Variants in SETBP1 observed in about 807,000 individuals in gnomAD.
SETBP1 encodes the protein SET-binding protein.
In SETBP1, 9 loss-of-function variants were observed where a neutral mutation model predicts 101.0. The observed-to-expected ratio is 0.09, with a 90% confidence interval of 0.05 to 0.16. SETBP1 has a LOEUF of 0.16. Among genes scored for constraint, SETBP1 ranks in the 10% least tolerant of loss-of-function variants. SETBP1 has a pLI of 1.00. For synonymous variants in SETBP1, 818 were observed against 788.5 expected (o/e 1.04, Z -0.63); for missense variants, 1,858 against 2,033.8 (o/e 0.91, Z 1.66).
chr18:44,809,187 T>A (rs1468192481), intron 2 of SETBP1, among the ~76,000 whole-genome samples: 1 of 152,128 alleles, frequency 6.6e-6, no homozygotes, highest in African/African-American at 2.4e-5. Context: ...CACAGCTTGA[T>A]CCTAGAAACA....
intron 2 of SETBP1, among the ~76,000 whole-genome samples, chr18:44,765,052 C>T (rs2070736544): frequency 6.6e-6 from 1 of 152,166 alleles, no homozygotes; most frequent in South Asian, 2.1e-4. Context: ...CCAGGATGAA[C>T]TTTGTTAAAG....
At chr18:44,863,946 C>T (rs1017650604) in intron 2 of SETBP1, among the ~76,000 whole-genome samples, 1 of 152,136 alleles carries the variant, frequency 6.6e-6, no homozygotes, top group Non-Finnish European at 1.5e-5. Context: ...TGACCCACAC[C>T]CTGCCTTTTG....
At chr18:44,706,036 T>C (rs1162155216) in intron 2 of SETBP1, among the ~76,000 whole-genome samples, 1 of 152,136 alleles carries the variant, frequency 6.6e-6, no homozygotes, top group African/African-American at 2.4e-5. Context: ...ACATGAGGTG[T>C]GAAAGCAGCA....
intron 1 of SETBP1, among the ~76,000 whole-genome samples, chr18:44,700,255 T>C (rs538137902): frequency 6.6e-6 from 1 of 152,110 alleles, no homozygotes; most frequent in Admixed American, 6.5e-5. Flanking sequence ...TAACTGATTT[T>C]TCTCTTCTCA....
At chr18:44,966,227 C>T (rs2071717836) in intron 4 of SETBP1, among the ~76,000 whole-genome samples, 1 of 152,184 alleles carries the variant, frequency 6.6e-6, no homozygotes, top group African/African-American at 2.4e-5. Context: ...CCTCCATTAT[C>T]CACTCTTGCT....
At chr18:44,720,521 A>T (rs1726859126) in intron 2 of SETBP1, among the ~76,000 whole-genome samples, 3 of 152,330 alleles carry the variant, frequency 2.0e-5, no homozygotes, top group Admixed American at 2.0e-4. Flanking sequence ...AGGTGACAGG[A>T]TGCAGAGCCA....
Position 45,028,978 on chromosome 18 carries a change from A to G in SETBP1, c.4001-9507A>G, listed in dbSNP as rs2073231742. Reference sequence around the variant, plus strand: ...TTGTAGGTTGCCTGTTCACTCTGCTAGTAGTTTCTTCTGCTGTGCAAAAGC... The same window carrying G: ...TTGTAGGTTGCCTGTTCACTCTGCTGGTAGTTTCTTCTGCTGTGCAAAAGC... On this transcript the variant is annotated intron_variant, in intron 4 of 5. Transcript: ENST00000649279. 2.6e-5 allele frequency among the ~76,000 whole-genome samples: 4 copies of G among 152,104 alleles called. 1 individual carries two copies. The South Asian group carries it at 8.3e-4, about 32-fold the overall frequency.
At chr18:44,732,776 T>A (rs1464661416) in intron 2 of SETBP1, 1 of 152,210 alleles carries the variant, frequency 6.6e-6, no homozygotes, top group South Asian at 2.1e-4. Flanking sequence ...GAAGGAGGTA[T>A]TGACCTCGCT....
chr18:44,900,199 G>A (rs1011421887), intron 3 of SETBP1, among the ~76,000 whole-genome samples: 4 of 152,180 alleles, frequency 2.6e-5, no homozygotes, highest in Admixed American at 1.3e-4. Flanking sequence ...TAGAAATGCA[G>A]GTTCTCAGGT....
chr18:45,008,151 C>G (rs772691363), intron 4 of SETBP1, among the ~76,000 whole-genome samples: 5 of 152,094 alleles, frequency 3.3e-5, no homozygotes, highest in Admixed American at 6.5e-5. Context: ...TTGATTTGCC[C>G]CCTTTTTCTT....
At chr18:45,027,833 T>C (rs1374244197) in intron 4 of SETBP1, among the ~76,000 whole-genome samples, 1 of 152,166 alleles carries the variant, frequency 6.6e-6, no homozygotes, top group Non-Finnish European at 1.5e-5. Context: ...TGGGACTCAT[T>C]GAGCTAAAAT....
rs1304656130 is a variant in SETBP1 at position 44,952,094 on chromosome 18, G to A, written c.2754G>A (p.Arg918=). Reference sequence around the variant, plus strand: ...GCACAAAGAACCGGCATGGCCACCGGCAAAAGCATCTCATTGTGGACAACT... The same window carrying A: ...GCACAAAGAACCGGCATGGCCACCGACAAAAGCATCTCATTGTGGACAACT... The part of the protein sequence containing the change: ...DTSTKNRHGH[R]QKHLIVDNFL... Residue 918 remains arginine (R), a synonymous_variant, in exon 4 of 6, where the codon CGG becomes CGA. Coordinates refer to ENST00000649279, the MANE Select transcript of SETBP1 (RefSeq NM_015559.3). 6.2e-7 allele frequency: 1 copy of A among 1,614,054 alleles called. No homozygotes were observed. Among genetic ancestry groups the A allele is most frequent in the Non-Finnish European group, 8.5e-7 (1 of 1,180,020 alleles).
intron 4 of SETBP1, among the ~76,000 whole-genome samples, chr18:44,980,751 C>T (rs1318442426): frequency 6.6e-6 from 1 of 152,138 alleles, no homozygotes; most frequent in African/African-American, 2.4e-5. Context: ...GTTTCAGAAA[C>T]AGTTTCCACA....
intron 3 of SETBP1, among the ~76,000 whole-genome samples, chr18:44,874,329 A>G (rs1325101777): frequency 1.3e-5 from 2 of 152,206 alleles, no homozygotes; most frequent in African/African-American, 4.8e-5. Flanking sequence ...CTGAATCAGG[A>G]AACAGAATTT....
At chr18:44,853,532 A>G (rs1007419326) in intron 2 of SETBP1, among the ~76,000 whole-genome samples, 1 of 152,196 alleles carries the variant, frequency 6.6e-6, no homozygotes, top group Non-Finnish European at 1.5e-5. Flanking sequence ...CCTTTTATGG[A>G]TGATAAACAG....
chr18:45,024,288 C>CA (rs555100191), intron 4 of SETBP1, among the ~76,000 whole-genome samples: 18 of 151,888 alleles, frequency 1.2e-4, no homozygotes, highest in South Asian at 4.2e-4. Context: ...AGTTCAGAAT[C>CA]AAAAAAAAGA....
chr18:44,966,691 T>C lies in SETBP1; in HGVS notation c.4000+13351T>C, dbSNP rs116152258. Among the ~76,000 whole-genome samples the C allele has an allele frequency of 1.7e-3, 252 of 152,324 alleles. 1 individual carries two copies. The highest frequency in any genetic ancestry group is 5.9e-3 in the African/African-American group (244 of 41,578). On this transcript the variant is annotated intron_variant, in intron 4 of 5. Coordinates refer to ENST00000649279, the MANE Select transcript of SETBP1 (RefSeq NM_015559.3). ...CAGACCACCATCATTTCCTGACTTA[T>C]GCTTTAAGAAGCACTAACTTAAGAA...
At chr18:44,964,972 G>A (rs148719895) in intron 4 of SETBP1, among the ~76,000 whole-genome samples, 3 of 152,280 alleles carry the variant, frequency 2.0e-5, no homozygotes, top group East Asian at 1.9e-4. Context: ...GGAATTGGGC[G>A]TGAAAATCAT....
chr18:44,876,811 A>G (rs1568195620), intron 3 of SETBP1: 2 of 1,440,250 alleles, frequency 1.4e-6, no homozygotes, highest in Non-Finnish European at 1.8e-6. Context: ...TTTCCATTCA[A>G]CAATGGAGAC....
Sources: gnomAD v4.1 joint callset for allele counts (sites outside exome capture counted in the v4.1 genomes callset) on GRCh38, gnomAD v4.1.1 for gene constraint, MANE v1.5 for transcripts, NCBI Gene and HGNC (gene_info 2026-07-23, HGNC 2026-07-21) for gene names.